Variants in SSBP2 observed in about 807,000 individuals in gnomAD.
SSBP2 encodes the protein single stranded DNA binding protein 2.
SSBP2 carries 17 observed loss-of-function variants against 61.8 expected under a neutral mutation model. The ratio of observed to expected loss-of-function variants is 0.28; its 90% confidence interval spans 0.19 to 0.41. SSBP2 has a LOEUF of 0.41. SSBP2 is among the 10% of genes least tolerant of loss of function. The pLI is 1.00. For synonymous variants in SSBP2, 139 were observed against 141.3 expected (o/e 0.98, Z 0.12); for missense variants, 310 against 458.7 (o/e 0.68, Z 2.96).
At chr5:81,502,371 T>A (rs1051445969) in intron 5 of SSBP2, among the ~76,000 whole-genome samples, 3 of 152,196 alleles carry the variant, frequency 2.0e-5, no homozygotes, top group Non-Finnish European at 4.4e-5. Context: ...TTTTGGCTGG[T>A]TCCTCTTCAT....
At chr5:81,450,616 G>A (rs1392795120) in intron 10 of SSBP2, among the ~76,000 whole-genome samples, 1 of 152,124 alleles carries the variant, frequency 6.6e-6, no homozygotes, top group Non-Finnish European at 1.5e-5. Context: ...TCCCTTGCCT[G>A]ACATCTTTCT....
chr5:81,636,437 C>T, intron 3 of SSBP2, 120 bp downstream of exon 3: 2 of 770,454 alleles, frequency 2.6e-6, no homozygotes, highest in South Asian at 3.6e-5. Flanking sequence ...AAAGTGCTAC[C>T]TTCCAGAAAA....
intron 11 of SSBP2, among the ~76,000 whole-genome samples, chr5:81,448,326 C>G (rs1372656482): frequency 2.0e-5 from 3 of 152,058 alleles, no homozygotes; most frequent in African/African-American, 7.2e-5. Context: ...TTCTCAATTT[C>G]AAAGAACAAC....
At chr5:81,677,048 T>C (rs1752038800) in intron 1 of SSBP2, among the ~76,000 whole-genome samples, 1 of 152,206 alleles carries the variant, frequency 6.6e-6, no homozygotes, top group Non-Finnish European at 1.5e-5. Context: ...GTTATGATCT[T>C]CCATCTGTTT....
chr5:81,493,088 C>A lies in SSBP2; in HGVS notation c.373-3779G>T, dbSNP rs148047373. On this transcript the variant is annotated intron_variant, in intron 5 of 16. Coordinates refer to ENST00000320672, the MANE Select transcript of SSBP2 (RefSeq NM_012446.5). ...CCTAAAGATTAAATATCCCACAACA[C>A]AACAGTCCTCTTTGTTGTGTCAGAT... 7.8e-3 allele frequency among the ~76,000 whole-genome samples: 1,180 copies of A among 151,814 alleles called. 12 individuals carry two copies. The highest frequency in any genetic ancestry group is 0.026 in the African/African-American group (1,091 of 41,384).
At chr5:81,723,008 A>G (rs2153974100) in intron 1 of SSBP2, among the ~76,000 whole-genome samples, 1 of 152,084 alleles carries the variant, frequency 6.6e-6, no homozygotes, top group South Asian at 2.1e-4. Context: ...TTATTTATAC[A>G]TATATTCTCC....
chr5:81,472,184 A>G (rs1222187475), intron 8 of SSBP2, among the ~76,000 whole-genome samples: 1 of 152,228 alleles, frequency 6.6e-6, no homozygotes, highest in African/African-American at 2.4e-5. Flanking sequence ...CCCACGAGGT[A>G]GAAATTTAAA....
intron 15 of SSBP2, among the ~76,000 whole-genome samples, chr5:81,436,996 G>A (rs1412533178): frequency 6.6e-6 from 1 of 152,064 alleles, no homozygotes; most frequent in Non-Finnish European, 1.5e-5. Context: ...ATGAAGATTT[G>A]CAAGATGAAT....
rs914386463 is a variant in SSBP2, at chr5:81,733,337, T to C, written c.62+17644A>G. Among the ~76,000 whole-genome samples the C allele has an allele frequency of 1.6e-4, 24 of 152,002 alleles. No homozygotes were observed. The South Asian group carries it at 2.1e-3, about 13-fold the overall frequency. On this transcript the variant is annotated intron_variant, in intron 1 of 16. Coordinates refer to ENST00000320672, the MANE Select transcript of SSBP2 (RefSeq NM_012446.5). ...AACAAATATAGAGGGAAAAGAGAGA[T>C]ACTTATCTCTCTAACTTTCAAACAA... is the stretch of plus-strand genomic sequence containing the variant.
intron 5 of SSBP2, among the ~76,000 whole-genome samples, chr5:81,505,191 C>T (rs1438574327): frequency 1.3e-5 from 2 of 152,068 alleles, no homozygotes; most frequent in Non-Finnish European, 2.9e-5. Flanking sequence ...CACAGCCATG[C>T]TCTTTAATTT....
At chr5:81,691,155 T>C (rs1050797512) in intron 1 of SSBP2, among the ~76,000 whole-genome samples, 2 of 151,742 alleles carry the variant, frequency 1.3e-5, no homozygotes, top group South Asian at 4.2e-4. Context: ...CAATGCATCT[T>C]AAAGAATTAG....
chr5:81,520,665 T>G lies in SSBP2; in HGVS notation c.283-6948A>C, dbSNP rs150201962. On this transcript the variant is annotated intron_variant, in intron 4 of 16. Coordinates refer to ENST00000320672, the MANE Select transcript of SSBP2 (RefSeq NM_012446.5). ...TTTTTTTTGTGGTCTAATCAATGAT[T>G]GTTATAATTTCCCATGGATACTTAG... Among the ~76,000 whole-genome samples, 136 of 152,266 alleles carry G rather than the reference T, an allele frequency of 8.9e-4. 1 individual carries two copies. Among genetic ancestry groups the G allele is most frequent in the African/African-American group, 3.1e-3 (128 of 41,592 alleles).
At chr5:81,533,300 A>T (rs1034946705) in intron 4 of SSBP2, among the ~76,000 whole-genome samples, 12 of 152,028 alleles carry the variant, frequency 7.9e-5, no homozygotes, top group African/African-American at 2.9e-4. Context: ...AAAAGACAAA[A>T]TTGCATGGGA....
At chr5:81,742,097 A>T (rs13436905) in intron 1 of SSBP2, among the ~76,000 whole-genome samples, 21,908 of 152,190 alleles carry the variant, frequency 0.14, 2,392 homozygotes, top group East Asian at 0.49. Flanking sequence ...TTGCTAGTCA[A>T]TGGAGATACC....
At chr5:81,476,777 T>C (rs1336641803) in intron 6 of SSBP2, among the ~76,000 whole-genome samples, 1 of 152,224 alleles carries the variant, frequency 6.6e-6, no homozygotes, top group Non-Finnish European at 1.5e-5. Context: ...CTAACCACTA[T>C]GATAACTGTC....
intron 10 of SSBP2, among the ~76,000 whole-genome samples, chr5:81,451,269 CT>C (rs1319894165): frequency 2.6e-5 from 4 of 151,786 alleles, no homozygotes; most frequent in African/African-American, 9.7e-5. Flanking sequence ...CTTACTATAC[CT>C]TCATTTTCAG....
chr5:81,452,068 GAGA>G (rs10590075), intron 10 of SSBP2, among the ~76,000 whole-genome samples: 68,647 of 151,688 alleles, frequency 0.45, 19,695 homozygotes, highest in African/African-American at 0.82. Flanking sequence ...GAAAGACAAA[GAGA>G]AGAACTGCTA....
At chr5:81,706,196 C>G (rs1754380936) in intron 1 of SSBP2, among the ~76,000 whole-genome samples, 1 of 152,152 alleles carries the variant, frequency 6.6e-6, no homozygotes, top group African/African-American at 2.4e-5. Flanking sequence ...ATGGATGCAG[C>G]TGGAGGCCAT....
intron 4 of SSBP2, among the ~76,000 whole-genome samples, chr5:81,573,916 G>A (rs1435160959): frequency 2.0e-5 from 3 of 152,072 alleles, no homozygotes; most frequent in South Asian, 2.1e-4. Context: ...CGAGGCAGGC[G>A]AATCACAAGG....
Sources: allele counts gnomAD v4.1 joint callset (sites outside exome capture counted in the v4.1 genomes callset), GRCh38; gene constraint gnomAD v4.1.1; transcripts MANE v1.5; gene names NCBI Gene and HGNC (gene_info 2026-07-23, HGNC 2026-07-21).